The following MAPK10 variants were observed in gnomAD, a reference collection of about 807,000 sequenced individuals.
MAPK10 encodes mitogen-activated protein kinase 10, also known as JNK3 alpha protein kinase.
MAPK10 carries 25 observed loss-of-function variants against 59.3 expected under a neutral mutation model. The observed-to-expected ratio is 0.42, with a 90% confidence interval of 0.31 to 0.59. MAPK10 has a LOEUF of 0.59. Among genes scored for constraint, MAPK10 ranks in the 20% least tolerant of loss-of-function variants. The pLI, the probability that MAPK10 is intolerant of heterozygous loss-of-function variation, is 0.15. For missense variants in MAPK10, 351 were observed against 568.9 expected (o/e 0.62, Z 3.90); for synonymous variants, 190 against 200.5 (o/e 0.95, Z 0.44).
At chr4:86,583,817 G>T (rs1035966658) in intron 1 of MAPK10, among the ~76,000 whole-genome samples, 3 of 152,142 alleles carry the variant, frequency 2.0e-5, no homozygotes, top group African/African-American at 7.2e-5. Context: ...CCCAAAGTAG[G>T]TAACAGTGCT....
chr4:86,375,085 A>C (rs1739571745), intron 1 of MAPK10, among the ~76,000 whole-genome samples: 1 of 152,204 alleles, frequency 6.6e-6, no homozygotes, highest in Non-Finnish European at 1.5e-5. Flanking sequence ...GGGATTTTTA[A>C]ATTGCTAAAT....
At chr4:86,062,291 T>C (rs961530729) in intron 11 of MAPK10, among the ~76,000 whole-genome samples, 45 of 152,116 alleles carry the variant, frequency 3.0e-4, no homozygotes, top group Non-Finnish European at 4.0e-4. Context: ...CCCCTAAAAT[T>C]CATACATCCT....
chr4:86,588,079 A>C lies in MAPK10; in HGVS notation c.-263+5831T>G, dbSNP rs72665763. Among the ~76,000 whole-genome samples, 82 of 152,304 alleles carry C rather than the reference A, an allele frequency of 5.4e-4. 1 individual carries two copies. The highest frequency in any genetic ancestry group is 1.0e-3 in the Non-Finnish European group (71 of 68,022). On this transcript the variant is annotated intron_variant, in intron 1 of 4. Transcript: ENST00000502302. ...TTTCCCTAGAAAAAAGCACAATCAC[A>C]CATACCTGGAATACAGTCTGGGGGC...
At chr4:86,501,793 T>G (rs1037096598) in intron 1 of MAPK10, among the ~76,000 whole-genome samples, 1 of 152,038 alleles carries the variant, frequency 6.6e-6, no homozygotes, top group Admixed American at 6.6e-5. Context: ...AATGAAGTGA[T>G]GACTATCCTT....
rs138951627 is a variant in MAPK10 at position 86,491,100 on chromosome 4, G to A, written c.-263+102810C>T. On this transcript the variant is annotated intron_variant, in intron 1 of 4. Coordinates refer to the MAPK10 transcript ENST00000502302. The stretch of plus-strand genomic sequence containing the variant: ...CTGGATTCTTGGCTATCCCATGCAT[G>A]GGAGACATGAGTTGAGCTGTGTGGA... 2.7e-3 allele frequency among the ~76,000 whole-genome samples: 417 copies of A among 152,340 alleles called. 1 individual carries two copies. The highest frequency in any genetic ancestry group is 4.0e-3 in the Non-Finnish European group (275 of 68,036).
chr4:86,247,844 T>C lies in MAPK10; in HGVS notation c.-6-53437A>G, dbSNP rs1248243247. On this transcript the variant is annotated intron_variant, in intron 2 of 13. Transcript: ENST00000641462. ...AAACATGGTCAGCAGCATCGAACTA[T>C]GGAAGTGTTGGGAATGTAGGTTAAT... Among the ~76,000 whole-genome samples the C allele has an allele frequency of 4.6e-5, 7 of 152,316 alleles. No individual in the cohort carries two copies. The East Asian group carries it at 1.3e-3, about 29-fold the overall frequency.
chr4:86,022,857 G>A (rs1318416056), intron 13 of MAPK10, among the ~76,000 whole-genome samples: 2 of 152,102 alleles, frequency 1.3e-5, no homozygotes, highest in South Asian at 2.1e-4. Context: ...AATGAGATAT[G>A]TATTTTCAAA....
At chr4:86,102,092 T>G in intron 6 of MAPK10, 60 bp from the exon 7 acceptor site, 1 of 1,455,836 alleles carries the variant, frequency 6.9e-7, no homozygotes, top group East Asian at 2.3e-5. Flanking sequence ...GTCCTTTGAT[T>G]TAGTCAGAAT....
chr4:86,336,036 A>G (rs2148925901), intron 2 of MAPK10, among the ~76,000 whole-genome samples: 1 of 152,296 alleles, frequency 6.6e-6, no homozygotes, highest in Admixed American at 6.5e-5. Flanking sequence ...CTGACTGGAG[A>G]TTTGTCAAGG....
At position 86,427,772 on chromosome 4, in the gene MAPK10, C is replaced by G. The variant is rs1189233125; in HGVS notation, c.-122+25258G>C. On this transcript the variant is annotated intron_variant, in intron 1 of 13. Coordinates refer to the MAPK10 transcript ENST00000361569. ...AAAATTTTTATACTTTATTTCTGTT[C>G]TTTAGTGAGTGACCTAAAATACAAA... Among the ~76,000 whole-genome samples, 3 of 152,218 alleles carry G rather than the reference C, an allele frequency of 2.0e-5. No individual in the cohort carries two copies. In the East Asian group the frequency reaches 5.8e-4, roughly 29 times the overall value.
At chr4:86,517,089 T>C (rs1756727380) in intron 1 of MAPK10, among the ~76,000 whole-genome samples, 1 of 151,938 alleles carries the variant, frequency 6.6e-6, no homozygotes, top group Non-Finnish European at 1.5e-5. Context: ...ATGTCCCTTC[T>C]TTGCTGATTT....
At chr4:86,448,254 T>G (rs148682846) in intron 1 of MAPK10, among the ~76,000 whole-genome samples, 4 of 152,296 alleles carry the variant, frequency 2.6e-5, no homozygotes, top group African/African-American at 9.6e-5. Context: ...TATAGCTTTA[T>G]GTAGCATATA....
At chr4:86,358,444 A>C in intron 1 of MAPK10, 1 of 892,470 alleles carries the variant, frequency 1.1e-6, no homozygotes, top group Non-Finnish European at 1.3e-6. Flanking sequence ...CAGTTTGTTC[A>C]TAAAAGTTAT....
upstream of MAPK10, among the ~76,000 whole-genome samples, chr4:86,457,652 T>C (rs565485575): frequency 6.6e-6 from 1 of 152,144 alleles, no homozygotes; most frequent in Admixed American, 6.5e-5. Context: ...CCGAAAGAAA[T>C]CATAGATGAC....
chr4:86,177,839 G>C (rs1043518048), intron 3 of MAPK10, among the ~76,000 whole-genome samples: 1 of 151,930 alleles, frequency 6.6e-6, no homozygotes, highest in Non-Finnish European at 1.5e-5. Flanking sequence ...TTTTGCTAAA[G>C]GATAGATATT....
intron 1 of MAPK10, among the ~76,000 whole-genome samples, chr4:86,367,457 G>A (rs868822720): frequency 6.6e-6 from 1 of 152,098 alleles, no homozygotes; most frequent in African/African-American, 2.4e-5. Context: ...CAGAAATGCT[G>A]CATATAATAG....
chr4:86,072,312 T>C (rs1195462697), intron 9 of MAPK10, among the ~76,000 whole-genome samples: 1 of 152,174 alleles, frequency 6.6e-6, no homozygotes, highest in African/African-American at 2.4e-5. Context: ...TGGGGTTTTC[T>C]AGATATACAA....
intron 1 of MAPK10, among the ~76,000 whole-genome samples, chr4:86,475,904 C>T (rs551878313): frequency 5.9e-5 from 9 of 152,244 alleles, no homozygotes; most frequent in Admixed American, 5.2e-4. Context: ...CACACCTGAC[C>T]TAAACCTAAA....
intron 2 of MAPK10, among the ~76,000 whole-genome samples, chr4:86,257,048 A>G (rs1351029654): frequency 6.6e-6 from 1 of 152,118 alleles, no homozygotes; most frequent in Admixed American, 6.5e-5. Context: ...TTTACAACAG[A>G]TAGCTGGCCA....
Sources: allele counts gnomAD v4.1 joint callset (sites outside exome capture counted in the v4.1 genomes callset), GRCh38; gene constraint gnomAD v4.1.1; transcripts MANE v1.5; gene names NCBI Gene and HGNC (gene_info 2026-07-23, HGNC 2026-07-21).